Variants in ADGRL3 observed in about 807,000 individuals in gnomAD.
ADGRL3 encodes the protein calcium-independent alpha-latrotoxin receptor 3.
ADGRL3 carries 62 observed loss-of-function variants against 153.5 expected under a neutral mutation model. That is an observed-to-expected ratio of 0.40 (90% CI 0.33 to 0.50). The LOEUF is 0.50. Among genes scored for constraint, ADGRL3 ranks in the 20% least tolerant of loss-of-function variants. The pLI is 0.47. For missense variants in ADGRL3, 1,641 were observed against 1,859.4 expected (o/e 0.88, Z 2.16); for synonymous variants, 710 against 672.5 (o/e 1.06, Z -0.86).
chr4:61,452,753 T>C (rs2097690573), intron 2 of ADGRL3, among the ~76,000 whole-genome samples: 1 of 152,190 alleles, frequency 6.6e-6, no homozygotes, highest in Non-Finnish European at 1.5e-5. Flanking sequence ...TTGTGATATA[T>C]AAATTCTCAT....
At chr4:61,269,036 A>G (rs940463027) in intron 1 of ADGRL3, among the ~76,000 whole-genome samples, 2 of 151,690 alleles carry the variant, frequency 1.3e-5, no homozygotes, top group Non-Finnish European at 3.0e-5. Context: ...GTTAGGTCAG[A>G]CATAATGGAT....
At chr4:61,344,990 G>A (rs2095872104) in intron 1 of ADGRL3, among the ~76,000 whole-genome samples, 1 of 151,300 alleles carries the variant, frequency 6.6e-6, no homozygotes, top group Admixed American at 6.6e-5. Flanking sequence ...TAGAGACAGG[G>A]TTTCAGCATG....
chr4:61,580,794 T>A (rs1015542113), intron 4 of ADGRL3, among the ~76,000 whole-genome samples: 3 of 152,004 alleles, frequency 2.0e-5, no homozygotes, highest in Admixed American at 1.3e-4. Flanking sequence ...TCTCAAGATA[T>A]GATAGTTGGC....
At chr4:61,396,239 T>TG (rs1439088900) in intron 2 of ADGRL3, among the ~76,000 whole-genome samples, 2 of 151,946 alleles carry the variant, frequency 1.3e-5, no homozygotes, top group Non-Finnish European at 2.9e-5. Flanking sequence ...TTAAAATTAA[T>TG]GAAAAACCAT....
chr4:61,347,339 T>A (rs2095940181), intron 1 of ADGRL3, among the ~76,000 whole-genome samples: 1 of 151,642 alleles, frequency 6.6e-6, no homozygotes, highest in Non-Finnish European at 1.5e-5. Flanking sequence ...TTCCTAGAGC[T>A]ATAGGAAGGT....
chr4:62,039,243 A>G (rs1726837696), intron 24 of ADGRL3, among the ~76,000 whole-genome samples: 1 of 152,140 alleles, frequency 6.6e-6, no homozygotes, highest in African/African-American at 2.4e-5. Flanking sequence ...TAAATTTAAT[A>G]TATCTGATTG....
intron 1 of ADGRL3, among the ~76,000 whole-genome samples, chr4:61,205,731 G>T: frequency 6.6e-6 from 1 of 152,274 alleles, no homozygotes; most frequent in East Asian, 1.9e-4. Flanking sequence ...TCTGTGTTTT[G>T]TCGGGTAGGG....
At chr4:61,844,713 C>G in intron 9 of ADGRL3, among the ~76,000 whole-genome samples, 1 of 151,078 alleles carries the variant, frequency 6.6e-6, no homozygotes. Context: ...CTGATAAACT[C>G]TCACATTCAT....
intron 4 of ADGRL3, among the ~76,000 whole-genome samples, chr4:61,575,622 C>G (rs1020092980): frequency 2.0e-5 from 3 of 151,956 alleles, no homozygotes; most frequent in Non-Finnish European, 4.4e-5. Flanking sequence ...GAATACTCAC[C>G]CATCTCAAAC....
At chr4:61,409,336 A>C (rs1462151509) in intron 2 of ADGRL3, among the ~76,000 whole-genome samples, 1 of 121,244 alleles carries the variant, frequency 8.2e-6, no homozygotes, top group African/African-American at 2.9e-5. Flanking sequence ...TATATATTAG[A>C]CATATATAAT....
At chr4:61,936,307 A>G (rs2098838076) in intron 15 of ADGRL3, among the ~76,000 whole-genome samples, 2 of 152,200 alleles carry the variant, frequency 1.3e-5, no homozygotes, top group African/African-American at 2.4e-5. Context: ...GAAGGAAATT[A>G]TGGACAAGAA....
chr4:62,071,173 A>T lies in ADGRL3; in HGVS notation c.*265A>T, dbSNP rs1196686273. 2.9e-6 allele frequency: 1 copy of T among 343,186 alleles called. No individual in the cohort carries two copies. The highest frequency in any genetic ancestry group is 5.3e-6 in the Non-Finnish European group (1 of 188,572). The allele number at this position is 343,186 out of a possible 1,614,324, so 21.3% of individuals were successfully genotyped here. Reference sequence around the variant, plus strand: ...AGACTTCATTATGTTAATGAACAAGATATGAAGAAAATGGCACTCATTGTG... The same window carrying T: ...AGACTTCATTATGTTAATGAACAAGTTATGAAGAAAATGGCACTCATTGTG... On this transcript the variant is annotated 3_prime_UTR_variant, in exon 27 of 27. Coordinates refer to ENST00000683033, the MANE Select transcript of ADGRL3 (RefSeq NM_001387552.1).
chr4:61,232,238 A>T (rs1469817681), intron 1 of ADGRL3, among the ~76,000 whole-genome samples: 2 of 152,248 alleles, frequency 1.3e-5, no homozygotes, highest in Middle Eastern at 6.8e-3. Flanking sequence ...CTCTGAAGAG[A>T]CAGAATATCA....
intron 11 of ADGRL3, among the ~76,000 whole-genome samples, chr4:61,905,425 A>T (rs187680759): frequency 1.3e-5 from 2 of 152,328 alleles, no homozygotes; most frequent in African/African-American, 4.8e-5. Flanking sequence ...AAGTACATTC[A>T]TGACCCACCA....
chr4:61,510,292 T>C (rs1234132529), intron 3 of ADGRL3, among the ~76,000 whole-genome samples: 1 of 152,240 alleles, frequency 6.6e-6, no homozygotes, highest in African/African-American at 2.4e-5. Context: ...TTTTTGGTTT[T>C]GTTGCAATTG....
intron 9 of ADGRL3, among the ~76,000 whole-genome samples, chr4:61,875,548 TTATAA>T (rs913808760): frequency 1.3e-5 from 2 of 152,192 alleles, no homozygotes; most frequent in African/African-American, 2.4e-5. Context: ...TTTCCTTTGC[TTATAA>T]TATAAGTCAA....
chr4:62,064,982 C>T lies in ADGRL3; in HGVS notation c.3815-3184C>T, dbSNP rs562195558. On this transcript the variant is annotated intron_variant, in intron 25 of 26. Coordinates refer to ENST00000683033, the MANE Select transcript of ADGRL3 (RefSeq NM_001387552.1). Reference sequence around the variant, plus strand: ...AGGGATATATGTCTTTAGAATTAGACGGCATAGAGCTCATTGAATTCTCTT... The same window carrying T: ...AGGGATATATGTCTTTAGAATTAGATGGCATAGAGCTCATTGAATTCTCTT... 8.5e-5 allele frequency among the ~76,000 whole-genome samples: 13 copies of T among 152,110 alleles called. No homozygotes were observed. The South Asian group carries it at 1.2e-3, about 15-fold the overall frequency.
At chr4:61,780,575 AT>A (rs1389697942) in intron 8 of ADGRL3, among the ~76,000 whole-genome samples, 1 of 152,152 alleles carries the variant, frequency 6.6e-6, no homozygotes, top group Non-Finnish European at 1.5e-5. Flanking sequence ...TAGAACTTCA[AT>A]TTTTCATGTA....
chr4:61,501,289 T>C (rs1388009855), intron 3 of ADGRL3, among the ~76,000 whole-genome samples: 4 of 152,230 alleles, frequency 2.6e-5, no homozygotes, highest in Non-Finnish European at 5.9e-5. Context: ...TGTAGCTTAA[T>C]ATAATTTTTA....
Sources: allele counts gnomAD v4.1 joint callset (sites outside exome capture counted in the v4.1 genomes callset), GRCh38; gene constraint gnomAD v4.1.1; transcripts MANE v1.5; gene names NCBI Gene and HGNC (gene_info 2026-07-23, HGNC 2026-07-21).